DMD: variants seen among roughly 807,000 people sequenced by gnomAD.
DMD encodes the protein mutant dystrophin.
A neutral mutation model predicts 330.1 loss-of-function variants in DMD; 63 were observed. The ratio of observed to expected loss-of-function variants is 0.19; its 90% confidence interval spans 0.16 to 0.24. The LOEUF (loss-of-function observed/expected upper bound fraction) is 0.24. DMD is among the 10% of genes least tolerant of loss of function. The pLI is 1.00. For synonymous variants in DMD, 1,223 were observed against 959.8 expected (o/e 1.27, Z -5.07); for missense variants, 3,344 against 2,684.1 (o/e 1.25, Z -5.43).
intron 4 of DMD, among the ~76,000 whole-genome samples, chrX:32,842,871 G>A (rs753076176): frequency 3.6e-5 from 4 of 110,602 alleles, no homozygotes; most frequent in South Asian, 7.7e-4. Flanking sequence ...GCAGTGGCAC[G>A]ATCTCCACTC....
intron 1 of DMD, among the ~76,000 whole-genome samples, chrX:33,046,482 A>C (rs2094384085): frequency 8.9e-6 from 1 of 111,914 alleles, no homozygotes; most frequent in African/African-American, 3.2e-5. Flanking sequence ...ACTATAGTCC[A>C]TAACAGGTTT....
chrX:32,650,924 G>A (rs1161137351), intron 9 of DMD, among the ~76,000 whole-genome samples: 1 of 111,352 alleles, frequency 9.0e-6, no homozygotes, highest in African/African-American at 3.3e-5. Context: ...CACTACAACA[G>A]ATCAGGGTGA....
At chrX:31,180,226 A>T in intron 69 of DMD, 144 bp downstream of exon 69, 1 of 532,166 alleles carries the variant, frequency 1.9e-6, no homozygotes, top group Non-Finnish European at 3.4e-6. Flanking sequence ...GTAAATCCTG[A>T]AGCCTACAGT....
At chrX:33,026,061 C>A (rs973814588) in intron 1 of DMD, among the ~76,000 whole-genome samples, 1 of 110,185 alleles carries the variant, frequency 9.1e-6, no homozygotes, top group African/African-American at 3.3e-5. Flanking sequence ...TGAAGCCGGG[C>A]GCAGTGGCTC....
intron 7 of DMD, among the ~76,000 whole-genome samples, chrX:32,722,753 A>C (rs1205806445): frequency 4.5e-5 from 5 of 111,236 alleles, no homozygotes; most frequent in African/African-American, 1.6e-4. Context: ...CTTTTGCATA[A>C]AAATGCAACT....
chrX:32,092,303 A>G (rs1389745245), intron 44 of DMD, among the ~76,000 whole-genome samples: 1 of 111,724 alleles, frequency 9.0e-6, no homozygotes, highest in Non-Finnish European at 1.9e-5. Flanking sequence ...TGAAACTCCT[A>G]TTACATTTGT....
At chrX:32,264,867 A>G (rs180799612) in intron 43 of DMD, among the ~76,000 whole-genome samples, 326 of 112,118 alleles carry the variant, frequency 2.9e-3, no homozygotes, top group African/African-American at 9.7e-3. Context: ...GTGCTGTTAA[A>G]AGCATTCAGT....
chrX:32,563,971 C>G (rs2051371695), intron 16 of DMD, among the ~76,000 whole-genome samples: 1 of 111,385 alleles, frequency 9.0e-6, no homozygotes, highest in Non-Finnish European at 1.9e-5. Flanking sequence ...GGTATTAAGC[C>G]CAGTATCCAA....
intron 6 of DMD, among the ~76,000 whole-genome samples, chrX:32,810,827 C>T (rs2148763386): frequency 9.0e-6 from 1 of 111,584 alleles, no homozygotes; most frequent in South Asian, 3.8e-4. Context: ...ATGTGATCTA[C>T]GAAGTCCAAC....
intron 52 of DMD, among the ~76,000 whole-genome samples, chrX:31,704,418 C>T (rs2148879474): frequency 9.0e-6 from 1 of 111,390 alleles, no homozygotes; most frequent in African/African-American, 3.3e-5. Context: ...GTATAATCAC[C>T]TTAATTTTAA....
At chrX:31,451,222 A>T (rs1455570697) in intron 59 of DMD, among the ~76,000 whole-genome samples, 1 of 69,255 alleles carries the variant, frequency 1.4e-5, no homozygotes, top group Admixed American at 1.7e-4. Context: ...TTTTTTCAAG[A>T]GACTTCTTTC....
intron 74 of DMD, among the ~76,000 whole-genome samples, chrX:31,154,461 T>G (rs762272165): frequency 9.3e-5 from 10 of 107,662 alleles, no homozygotes; most frequent in Admixed American, 3.0e-4. Context: ...CCCGGCTTTT[T>G]TTTTTTGTAT....
intron 48 of DMD, among the ~76,000 whole-genome samples, chrX:31,846,940 T>C (rs2093437758): frequency 8.9e-6 from 1 of 111,840 alleles, no homozygotes; most frequent in African/African-American, 3.2e-5. Flanking sequence ...AGGCTGGCAT[T>C]TGAGTAGTCC....
rs2097114983 is a variant in DMD at position 32,217,066 on chromosome X, G to A, written c.6291-3C>T. On this transcript the variant is annotated splice_polypyrimidine_tract_variant and splice_region_variant and intron_variant, in intron 43 of 78. Coordinates refer to ENST00000357033, the MANE Select transcript of DMD (RefSeq NM_004006.3). Reference sequence around the variant, plus strand: ...TCTCAACAGATCTGTCAAATCGCCTGCAGGTAAAAGCATATGGATCAAGAA... The same window carrying A: ...TCTCAACAGATCTGTCAAATCGCCTACAGGTAAAAGCATATGGATCAAGAA... 1 of 1,205,342 alleles carries A rather than the reference G, an allele frequency of 8.3e-7. No homozygotes were observed. Among genetic ancestry groups the A allele is most frequent in the Non-Finnish European group, 1.1e-6 (1 of 890,541 alleles).
chrX:32,572,775 G>A (rs2052573441), intron 15 of DMD, among the ~76,000 whole-genome samples: 1 of 110,888 alleles, frequency 9.0e-6, no homozygotes, highest in South Asian at 3.8e-4. Context: ...GTGATTCCCA[G>A]CATTGGAGGT....
In DMD at chrX:33,289,928, G is replaced by C. The variant is rs937875117; in HGVS notation, c.7+49331C>G. Among the ~76,000 whole-genome samples the C allele has an allele frequency of 1.2e-4, 13 of 111,583 alleles. 1 individual carries two copies. The highest frequency in any genetic ancestry group is 2.3e-4 in the Non-Finnish European group (12 of 53,006). On this transcript the variant is annotated intron_variant, in intron 1 of 17. Coordinates refer to the DMD transcript ENST00000288447. ...AAAAGGAAATAACTTTTAAATGAGC[G>C]CATATATTCCAGGCACATATTTTCT...
intron 4 of DMD, among the ~76,000 whole-genome samples, chrX:32,843,314 T>C (rs758899509): frequency 9.8e-5 from 11 of 112,545 alleles, no homozygotes; most frequent in African/African-American, 3.2e-4. Flanking sequence ...GTAACTTTAA[T>C]ATTGTTAACA....
rs997144916 is a variant in DMD at position 31,972,757 on chromosome X, C to T, written c.6439-4243G>A. Among the ~76,000 whole-genome samples the T allele has an allele frequency of 2.7e-5, 3 of 111,316 alleles. No individual in the cohort carries two copies. In the Admixed American group the frequency reaches 2.8e-4, roughly 11 times the overall value. On this transcript the variant is annotated intron_variant, in intron 44 of 78. Coordinates refer to ENST00000357033, the MANE Select transcript of DMD (RefSeq NM_004006.3). Reference sequence around the variant, plus strand: ...ATTTTGAGACAGGTAAATCATTAACCGAGTTTACTGATTGGTCAAGAGAAA... The same window carrying T: ...ATTTTGAGACAGGTAAATCATTAACTGAGTTTACTGATTGGTCAAGAGAAA...
intron 30 of DMD, among the ~76,000 whole-genome samples, chrX:32,396,080 T>C (rs2098042141): frequency 1.8e-5 from 2 of 111,323 alleles, no homozygotes; most frequent in South Asian, 7.5e-4. Flanking sequence ...AGTCATATTG[T>C]TGTCATAAGT....
Sources: gnomAD v4.1 joint callset for allele counts (sites outside exome capture counted in the v4.1 genomes callset) on GRCh38, gnomAD v4.1.1 for gene constraint, MANE v1.5 for transcripts, NCBI Gene and HGNC (gene_info 2026-07-23, HGNC 2026-07-21) for gene names.